The following SAE1 variants were observed in gnomAD, a reference collection of about 807,000 sequenced individuals.
SAE1 encodes the protein SUMO-activating enzyme subunit 1.
Under a neutral mutation model 40.6 loss-of-function variants are expected in SAE1, and 11 were observed. The ratio of observed to expected loss-of-function variants is 0.27; its 90% confidence interval spans 0.17 to 0.45. The LOEUF (loss-of-function observed/expected upper bound fraction) is 0.45. Ranked by LOEUF, SAE1 falls within the 20% of genes least tolerant of loss-of-function variation. The probability of loss-of-function intolerance (pLI) is 1.00; values close to 1 mark genes in which losing one functional copy is unlikely to be tolerated. For synonymous variants in SAE1, 155 were observed against 154.3 expected (o/e 1.00, Z -0.03); for missense variants, 373 against 427.3 (o/e 0.87, Z 1.12).
intron 1 of SAE1, among the ~76,000 whole-genome samples, chr19:47,139,206 C>T (rs1477731286): frequency 1.3e-5 from 2 of 152,190 alleles, no homozygotes; most frequent in Non-Finnish European, 2.9e-5. Context: ...ACCGCCTCGG[C>T]TAATTTTGTG....
chr19:47,143,029 T>G (rs190003021), intron 1 of SAE1, among the ~76,000 whole-genome samples: 4 of 152,318 alleles, frequency 2.6e-5, no homozygotes, highest in African/African-American at 7.2e-5. Flanking sequence ...TTGAATGAAT[T>G]GTTTTGTGCA....
intron 5 of SAE1, among the ~76,000 whole-genome samples, chr19:47,168,054 G>A (rs565051690): frequency 2.6e-5 from 4 of 152,180 alleles, no homozygotes; most frequent in African/African-American, 9.6e-5. Context: ...TTAGCTGGGC[G>A]TGGTGGCATG....
At chr19:47,185,857 C>T (rs1290812104) in intron 6 of SAE1, among the ~76,000 whole-genome samples, 1 of 151,566 alleles carries the variant, frequency 6.6e-6, no homozygotes, top group East Asian at 2.0e-4. Flanking sequence ...CCATCTCAGC[C>T]TCCCAAAGTG....
intron 8 of SAE1, among the ~76,000 whole-genome samples, chr19:47,204,056 C>T (rs1358759615): frequency 6.6e-6 from 1 of 152,022 alleles, no homozygotes; most frequent in African/African-American, 2.4e-5. Context: ...TCTCATAGCT[C>T]TATAAGTGAG....
At chr19:47,188,811 C>T (rs2058560606) in intron 6 of SAE1, among the ~76,000 whole-genome samples, 1 of 152,154 alleles carries the variant, frequency 6.6e-6, no homozygotes. Flanking sequence ...AGGCCAGGGA[C>T]AGGCTTTGCA....
intron 6 of SAE1, among the ~76,000 whole-genome samples, chr19:47,176,588 AC>A (rs2058470059): frequency 1.3e-5 from 2 of 152,056 alleles, no homozygotes; most frequent in South Asian, 4.1e-4. Context: ...CTGCATGCCT[AC>A]CCCTGTGGCA....
At chr19:47,193,696 A>G (rs2058594151) in intron 6 of SAE1, among the ~76,000 whole-genome samples, 2 of 151,596 alleles carry the variant, frequency 1.3e-5, no homozygotes, top group Non-Finnish European at 2.9e-5. Context: ...GTGTGGCTGC[A>G]GGCACCTGTA....
At chr19:47,196,555 G>C (rs2058617443) in intron 6 of SAE1, among the ~76,000 whole-genome samples, 2 of 149,100 alleles carry the variant, frequency 1.3e-5, no homozygotes, top group South Asian at 4.2e-4. Flanking sequence ...GTAGAGACAG[G>C]GTTTCACTAT....
intron 5 of SAE1, among the ~76,000 whole-genome samples, chr19:47,160,242 G>A (rs1438925481): frequency 2.8e-5 from 2 of 72,462 alleles, no homozygotes; most frequent in African/African-American, 1.3e-4. Context: ...TTTTTTTTGA[G>A]ACAGAGTCTC....
At chr19:47,178,294 C>G (rs1000349262) in intron 6 of SAE1, among the ~76,000 whole-genome samples, 1 of 152,036 alleles carries the variant, frequency 6.6e-6, no homozygotes, top group Non-Finnish European at 1.5e-5. Flanking sequence ...CTGAGGAAAC[C>G]GTTGAAAAAT....
chr19:47,131,118 A>G (rs2058139345), intron 1 of SAE1, 90 bp downstream of exon 1: 3 of 1,441,066 alleles, frequency 2.1e-6, no homozygotes, highest in Non-Finnish European at 2.7e-6. Flanking sequence ...GGAAGGTGTG[A>G]TTTGAAGGGA....
At chr19:47,163,959 C>T (rs1056617467) in intron 5 of SAE1, among the ~76,000 whole-genome samples, 107 of 151,012 alleles carry the variant, frequency 7.1e-4, no homozygotes, top group African/African-American at 2.6e-3. Flanking sequence ...AAGTAGAGGG[C>T]GTTTTCACCT....
At chr19:47,182,501 G>GCACGCACGCGCGCGCGCA in intron 6 of SAE1, among the ~76,000 whole-genome samples, 1 of 148,394 alleles carries the variant, frequency 6.7e-6, no homozygotes, top group South Asian at 2.1e-4. Flanking sequence ...GTGTGTGCGC[G>GCACGCACGCGCGCGCGCA]CACGCACGCG....
chr19:47,198,981 T>C (rs1005760247), intron 7 of SAE1, among the ~76,000 whole-genome samples: 1 of 152,144 alleles, frequency 6.6e-6, no homozygotes, highest in Non-Finnish European at 1.5e-5. Flanking sequence ...TCAGCTACTC[T>C]GGAGGCTGAG....
chr19:47,173,011 T>G (rs2058444598), intron 6 of SAE1, among the ~76,000 whole-genome samples: 1 of 152,142 alleles, frequency 6.6e-6, no homozygotes, highest in Non-Finnish European at 1.5e-5. Flanking sequence ...AGGTCTGTTT[T>G]GATTCCAAAG....
intron 8 of SAE1, among the ~76,000 whole-genome samples, chr19:47,205,646 T>C (rs1448156203): frequency 6.6e-6 from 1 of 152,076 alleles, no homozygotes; most frequent in African/African-American, 2.4e-5. Context: ...AATGGGAATG[T>C]ACATATTTTT....
intron 6 of SAE1, among the ~76,000 whole-genome samples, chr19:47,172,031 G>A (rs976398572): frequency 2.6e-5 from 4 of 151,810 alleles, no homozygotes; most frequent in Admixed American, 6.6e-5. Flanking sequence ...CAGTTTCCCC[G>A]CCTCAGCCTC....
intron 6 of SAE1, among the ~76,000 whole-genome samples, chr19:47,189,765 T>C (rs958799649): frequency 6.6e-6 from 1 of 152,132 alleles, no homozygotes; most frequent in African/African-American, 2.4e-5. Context: ...TAGGGGCTAA[T>C]TTGTGACAGT....
intron 6 of SAE1, among the ~76,000 whole-genome samples, chr19:47,187,472 C>T (rs1303735238): frequency 6.6e-6 from 1 of 152,194 alleles, no homozygotes; most frequent in African/African-American, 2.4e-5. Context: ...GAACACTTTT[C>T]AATTCAGTCA....
Sources: gnomAD v4.1 joint callset for allele counts (sites outside exome capture counted in the v4.1 genomes callset) on GRCh38, gnomAD v4.1.1 for gene constraint, MANE v1.5 for transcripts, NCBI Gene and HGNC (gene_info 2026-07-23, HGNC 2026-07-21) for gene names.